The following ATP2B4 variants were observed in gnomAD, a reference collection of about 807,000 sequenced individuals.
ATP2B4 encodes the protein ATPase plasma membrane Ca2+ transporting 4, also known as plasma membrane calcium-transporting ATPase 4.
A neutral mutation model predicts 110.3 loss-of-function variants in ATP2B4; 39 were observed. The observed-to-expected ratio is 0.35, with a 90% CI of 0.27 to 0.46. The LOEUF is 0.46. Among genes scored for constraint, ATP2B4 ranks in the 20% least tolerant of loss-of-function variants. ATP2B4 has a pLI of 1.00. For synonymous variants in ATP2B4, 538 were observed against 571.7 expected (o/e 0.94, Z 0.84); for missense variants, 1,135 against 1,530.9 (o/e 0.74, Z 4.32).
At position 203,739,801 on chromosome 1, in the gene ATP2B4, G is replaced by A. The variant is rs558729799; in HGVS notation, c.3565G>A (p.Val1189Met). The A allele has an allele frequency of 6.2e-6, 10 of 1,614,044 alleles. No homozygotes were observed. Among genetic ancestry groups the A allele is most frequent in the African/African-American group, 1.3e-5 (1 of 74,916 alleles). Residue 1189 changes from valine (V) to methionine (M), a missense_variant, in exon 21 of 21, where the codon GTG becomes ATG. Val to Met is a conservative substitution (Grantham distance 21, BLOSUM62 1). This residue lies in a region of ATP2B4 where 92 missense variants were observed against 82.5 expected (regional missense o/e 1.11). Transcript: ENST00000357681. ...CAACAATGCGGTGGATTGCAACCAA[G>A]TGCAGCTCCCCCAGTCGGACAGCTC... ...TNNNAVDCNQ[V>M]QLPQSDSSLQ... is the part of the protein sequence containing the mutation.
At chr1:203,630,258 C>CCCTG (rs1381422283) in intron 1 of ATP2B4, among the ~76,000 whole-genome samples, 1 of 152,134 alleles carries the variant, frequency 6.6e-6, no homozygotes, top group Non-Finnish European at 1.5e-5. Context: ...CTGGGCTGCT[C>CCCTG]CCTGCCACCT....
At chr1:203,685,994 C>T (rs1219131610) in intron 2 of ATP2B4, among the ~76,000 whole-genome samples, 7 of 146,116 alleles carry the variant, frequency 4.8e-5, no homozygotes, top group African/African-American at 1.8e-4. Flanking sequence ...CATTTGCTCA[C>T]TTCTTAATCA....
At position 203,716,918 on chromosome 1, in the gene ATP2B4, C is replaced by T. The variant is rs540320143; in HGVS notation, c.2406+2641C>T. On this transcript the variant is annotated intron_variant, in intron 15 of 20. Coordinates refer to ENST00000357681, the MANE Select transcript of ATP2B4 (RefSeq NM_001684.5). ...AAATACTTACATAAAAAGAGATTCC[C>T]GGCCGGGCGTAGTGGCTCGTGCTTG... is the stretch of plus-strand genomic sequence containing the variant. 4.2e-5 allele frequency among the ~76,000 whole-genome samples: 6 copies of T among 144,562 alleles called. 1 individual carries two copies. In the South Asian group the frequency reaches 9.5e-4, roughly 23 times the overall value. The allele number at this position is 144,562 out of a possible 152,430, so 94.8% of individuals were successfully genotyped here. A position where few individuals can be genotyped will look rare whatever the true frequency, so the allele number is the denominator to read the frequency against.
chr1:203,688,311 A>G (rs879910427), intron 2 of ATP2B4, among the ~76,000 whole-genome samples: 5 of 144,398 alleles, frequency 3.5e-5, no homozygotes, highest in Admixed American at 6.9e-5. Flanking sequence ...TTTCAATTTT[A>G]TTTTTGAAAC....
At chr1:203,670,064 A>G (rs1454442185) in intron 1 of ATP2B4, among the ~76,000 whole-genome samples, 1 of 152,226 alleles carries the variant, frequency 6.6e-6, no homozygotes, top group Non-Finnish European at 1.5e-5. Flanking sequence ...TTTCTAGTCC[A>G]TGAGTTTTGG....
At chr1:203,684,864 G>GT (rs972241780) in intron 2 of ATP2B4, among the ~76,000 whole-genome samples, 2 of 151,530 alleles carry the variant, frequency 1.3e-5, no homozygotes, top group Middle Eastern at 3.2e-3. Context: ...TGTTTTTTTG[G>GT]TTTTTTTGTT....
At chr1:203,701,199 C>T (rs568251603) in intron 6 of ATP2B4, among the ~76,000 whole-genome samples, 38 of 152,284 alleles carry the variant, frequency 2.5e-4, no homozygotes, top group Non-Finnish European at 3.4e-4. Flanking sequence ...GTTATAAAGC[C>T]TGCCCTAAAT....
At chr1:203,674,373 G>A (rs1186131435) in intron 1 of ATP2B4, among the ~76,000 whole-genome samples, 2 of 152,262 alleles carry the variant, frequency 1.3e-5, no homozygotes, top group South Asian at 2.1e-4. Context: ...CATCCTCTGA[G>A]TCACTGGAGG....
intron 19 of ATP2B4, among the ~76,000 whole-genome samples, chr1:203,727,108 G>C (rs1666547760): frequency 2.0e-5 from 3 of 152,206 alleles, no homozygotes; most frequent in African/African-American, 7.2e-5. Context: ...GAGACAGAAA[G>C]AGGAAAATGA....
At chr1:203,661,285 T>G (rs1664330808) in intron 1 of ATP2B4, among the ~76,000 whole-genome samples, 1 of 152,166 alleles carries the variant, frequency 6.6e-6, no homozygotes, top group Non-Finnish European at 1.5e-5. Flanking sequence ...GAAAAAAGTG[T>G]GGCTTCTGCC....
intron 14 of ATP2B4, 137 bp from the exon 15 acceptor site, chr1:203,714,034 C>A: frequency 1.3e-6 from 1 of 769,954 alleles, no homozygotes; most frequent in Admixed American, 2.1e-5. Flanking sequence ...CAACTTACTG[C>A]CCTTAGGTGG....
Position 203,677,883 on chromosome 1 carries a change from C to T in ATP2B4, c.-464-4859C>T, listed in dbSNP as rs552321470. ...CCTGCCTGGCAGTGATGCTGGCACC[C>T]CTGCCAGAGTATCTCCAAGTGCTAC... On this transcript the variant is annotated intron_variant, in intron 1 of 20. Transcript: ENST00000357681. Among the ~76,000 whole-genome samples, 3 of 152,370 alleles carry T rather than the reference C, an allele frequency of 2.0e-5. No homozygotes were observed. In the South Asian group the frequency reaches 6.2e-4, roughly 32 times the overall value.
At chr1:203,734,829 C>A (rs1179407164) in intron 20 of ATP2B4, among the ~76,000 whole-genome samples, 2 of 151,440 alleles carry the variant, frequency 1.3e-5, no homozygotes, top group Non-Finnish European at 2.9e-5. Flanking sequence ...ATGGTGAAAC[C>A]CTGTCTCTAC....
chr1:203,702,209 T>C (rs1665713732), intron 7 of ATP2B4, 130 bp downstream of exon 7: 1 of 1,214,806 alleles, frequency 8.2e-7, no homozygotes, highest in Middle Eastern at 1.9e-4. Context: ...AGATGCCTCA[T>C]CCTGAGGAAG....
chr1:203,656,931 G>A (rs1276155752), intron 1 of ATP2B4: 1 of 638,722 alleles, frequency 1.6e-6, no homozygotes, highest in East Asian at 2.8e-5. Flanking sequence ...TTTTCAGTTG[G>A]TGTGTAGTCC....
chr1:203,733,114 C>A, intron 20 of ATP2B4: 3 of 1,051,664 alleles, frequency 2.9e-6, no homozygotes, highest in South Asian at 1.7e-5. Context: ...CTTTTCCCAT[C>A]TACTTCCATT....
intron 1 of ATP2B4, among the ~76,000 whole-genome samples, chr1:203,646,695 G>A (rs1279872223): frequency 1.3e-5 from 2 of 151,898 alleles, no homozygotes; most frequent in Non-Finnish European, 2.9e-5. Context: ...CCTGGGAGGC[G>A]GAGGTTACAG....
At chr1:203,722,804 G>A (rs1474469684) in intron 18 of ATP2B4, 115 bp downstream of exon 18, 2 of 971,694 alleles carry the variant, frequency 2.1e-6, no homozygotes, top group East Asian at 2.6e-5. Context: ...GGGGACTGGA[G>A]CTGTAAGTTG....
intron 1 of ATP2B4, among the ~76,000 whole-genome samples, chr1:203,679,544 G>A (rs1664934265): frequency 6.6e-6 from 1 of 152,166 alleles, no homozygotes; most frequent in Admixed American, 6.5e-5. Flanking sequence ...GCCTATGGAA[G>A]TGGAAGAATC....
Sources: gnomAD v4.1 joint callset for allele counts (sites outside exome capture counted in the v4.1 genomes callset) on GRCh38, gnomAD v4.1.1 for gene constraint, gnomAD v4.1.1 regional missense constraint, MANE v1.5 for transcripts, NCBI Gene and HGNC (gene_info 2026-07-23, HGNC 2026-07-21) for gene names.